THSD4: variants seen among roughly 807,000 people sequenced by gnomAD.
The protein encoded by THSD4 is thrombospondin type-1 domain-containing protein 4.
THSD4 carries 69 observed loss-of-function variants against 119.0 expected under a neutral mutation model. That is an observed-to-expected ratio of 0.58 (90% CI 0.48 to 0.71). The LOEUF (loss-of-function observed/expected upper bound fraction) is 0.71, where lower values mean the gene tolerates loss of function less well. Among genes scored for constraint, THSD4 ranks in the 30% least tolerant of loss-of-function variants. The pLI, the probability that THSD4 is intolerant of heterozygous loss-of-function variation, is 0.00. For missense variants in THSD4, 1,393 were observed against 1,391.1 expected, an observed-to-expected ratio of 1.00 and a Z score of -0.02; for synonymous variants, 524 against 540.4, an observed-to-expected ratio of 0.97 and a Z score of 0.42.
chr15:71,365,528 G>A (rs1204197636), intron 6 of THSD4, among the ~76,000 whole-genome samples: 2 of 152,096 alleles, frequency 1.3e-5, no homozygotes, highest in African/African-American at 4.8e-5. Flanking sequence ...CTGACGCTTT[G>A]TAAAAATACA....
At position 71,135,839 on chromosome 15, in the gene THSD4, C is replaced by T. The variant is rs536710008; in HGVS notation, c.-79-5610C>T. Among the ~76,000 whole-genome samples, 17 of 152,214 alleles carry T rather than the reference C, an allele frequency of 1.1e-4. No individual in the cohort carries two copies. The South Asian group carries it at 3.3e-3, about 30-fold the overall frequency. ...CAATAACTTCCTTGGCTTCCACCTC[C>T]ATGCTTGCCCCTTCTCCTCCTCCCC... On this transcript the variant is annotated intron_variant, in intron 1 of 17. Coordinates refer to ENST00000261862, the MANE Select transcript of THSD4 (RefSeq NM_024817.3).
chr15:71,235,456 G>C (rs796736083), intron 4 of THSD4, among the ~76,000 whole-genome samples: 1 of 152,102 alleles, frequency 6.6e-6, no homozygotes, highest in Non-Finnish European at 1.5e-5. Context: ...CCACTATTCA[G>C]CTTTCTCCAA....
At chr15:71,332,898 T>TTTTTTTTTTTTTTTTTTTTTTTG in intron 6 of THSD4, among the ~76,000 whole-genome samples, 1 of 129,810 alleles carries the variant, frequency 7.7e-6, no homozygotes, top group Non-Finnish European at 1.7e-5. Flanking sequence ...TTACATTTTT[T>TTTTTTTTTTTTTTTTTTTTTTTG]TTTTTTTTTT....
At chr15:71,514,055 C>T (rs146573381) in intron 7 of THSD4, among the ~76,000 whole-genome samples, 1 of 152,308 alleles carries the variant, frequency 6.6e-6, no homozygotes, top group East Asian at 1.9e-4. Flanking sequence ...GGGAAATTGA[C>T]TTACTTGCTT....
chr15:71,208,862 A>G (rs907974843), intron 3 of THSD4, among the ~76,000 whole-genome samples: 1 of 152,008 alleles, frequency 6.6e-6, no homozygotes, highest in Non-Finnish European at 1.5e-5. Context: ...CATCATGACT[A>G]TTTAGAGAGG....
intron 7 of THSD4, among the ~76,000 whole-genome samples, chr15:71,494,000 C>A (rs1473475437): frequency 1.3e-5 from 2 of 152,204 alleles, no homozygotes; most frequent in Non-Finnish European, 2.9e-5. Flanking sequence ...TTGGCTCTGA[C>A]CTTCCTAGTT....
chr15:71,518,295 T>C (rs992891796), intron 7 of THSD4, among the ~76,000 whole-genome samples: 4 of 152,080 alleles, frequency 2.6e-5, no homozygotes, highest in African/African-American at 9.7e-5. Flanking sequence ...TATGATACCT[T>C]GGAAATTTTT....
intron 3 of THSD4, among the ~76,000 whole-genome samples, chr15:71,209,618 T>A (rs1776781425): frequency 6.6e-6 from 1 of 152,198 alleles, no homozygotes; most frequent in Admixed American, 6.5e-5. Flanking sequence ...TCGTTTTCCA[T>A]AATGGAAGAT....
In THSD4 at chr15:71,748,416, T is replaced by C. The variant is rs1446362773; in HGVS notation, c.2242-5T>C. 2.2e-5 allele frequency: 36 copies of C among 1,614,110 alleles called. No homozygotes were observed. The highest frequency in any genetic ancestry group is 2.5e-5 in the Non-Finnish European group (30 of 1,179,978). ...TTCCCCTGACGTCAGTGTGCTGTGT[T>C]TCAGTGCTCGGTGCCCTGCGGCGTG... On this transcript the variant is annotated splice_polypyrimidine_tract_variant and splice_region_variant and intron_variant, in intron 13 of 17. Coordinates refer to ENST00000261862, the MANE Select transcript of THSD4 (RefSeq NM_024817.3).
chr15:71,779,802 AC>A lies in THSD4; in HGVS notation c.*2432del, dbSNP rs1453417696. The A allele has an allele frequency of 6.7e-6, 1 of 150,198 alleles. No individual in the cohort carries two copies. Among genetic ancestry groups the A allele is most frequent in the Non-Finnish European group, 1.5e-5 (1 of 67,822 alleles). 9.3% of individuals were successfully genotyped at this position (150,198 alleles called of 1,614,324 possible). On this transcript the variant is annotated 3_prime_UTR_variant, in exon 18 of 18. Coordinates refer to ENST00000261862, the MANE Select transcript of THSD4 (RefSeq NM_024817.3). ...CAATTGAAGAAGACCCGATGGATCA[AC>A]CCCATGTCTCCCTTGGGGAGAAAGT...
At chr15:71,124,680 A>AT (rs112015170) in intron 1 of THSD4, among the ~76,000 whole-genome samples, 32 of 152,270 alleles carry the variant, frequency 2.1e-4, no homozygotes, top group African/African-American at 7.2e-4. Flanking sequence ...TTTAAATCAT[A>AT]TTATTTCAAA....
At chr15:71,707,867 A>G (rs2052423703) in intron 8 of THSD4, among the ~76,000 whole-genome samples, 1 of 152,222 alleles carries the variant, frequency 6.6e-6, no homozygotes, top group African/African-American at 2.4e-5. Flanking sequence ...AATAAAAACA[A>G]TTTCATGCCC....
intron 7 of THSD4, among the ~76,000 whole-genome samples, chr15:71,622,631 T>C (rs2050437830): frequency 6.6e-6 from 1 of 152,222 alleles, no homozygotes; most frequent in South Asian, 2.1e-4. Flanking sequence ...TACTTTTTAT[T>C]ACCCTCTTTT....
intron 6 of THSD4, among the ~76,000 whole-genome samples, chr15:71,350,141 T>TAAAAAAAAA (rs3086680): frequency 9.0e-6 from 1 of 111,174 alleles, no homozygotes; most frequent in Non-Finnish European, 1.9e-5. Context: ...TGCAAATTAC[T>TAAAAAAAAA]AAAAAAAAAA....
intron 7 of THSD4, among the ~76,000 whole-genome samples, chr15:71,520,665 G>A (rs2048426931): frequency 6.6e-6 from 1 of 152,186 alleles, no homozygotes; most frequent in Non-Finnish European, 1.5e-5. Flanking sequence ...TCTATGCTGA[G>A]CACTTGACAT....
chr15:71,313,977 GATGAGGC>G (rs1442267753), intron 6 of THSD4, among the ~76,000 whole-genome samples: 4 of 152,166 alleles, frequency 2.6e-5, no homozygotes, highest in African/African-American at 9.7e-5. Flanking sequence ...TGATACGGAT[GATGAGGC>G]ATAGGAAGGC....
intron 7 of THSD4, among the ~76,000 whole-genome samples, chr15:71,629,973 G>A (rs893578406): frequency 6.6e-6 from 1 of 152,100 alleles, no homozygotes; most frequent in Non-Finnish European, 1.5e-5. Context: ...GCTCAGAGAG[G>A]GGCCTCTGTC....
intron 8 of THSD4, among the ~76,000 whole-genome samples, chr15:71,723,583 T>C (rs2052763537): frequency 6.6e-6 from 1 of 152,238 alleles, no homozygotes. Context: ...AGATGAAATC[T>C]TTTGGAGCTG....
intron 7 of THSD4, among the ~76,000 whole-genome samples, chr15:71,578,796 T>C (rs1377644875): frequency 6.6e-6 from 1 of 152,080 alleles, no homozygotes; most frequent in African/African-American, 2.4e-5. Flanking sequence ...TATTTGGTGT[T>C]ATCTTTGCAT....
Sources: allele counts gnomAD v4.1 joint callset (sites outside exome capture counted in the v4.1 genomes callset), GRCh38; gene constraint gnomAD v4.1.1; transcripts MANE v1.5; gene names NCBI Gene and HGNC (gene_info 2026-07-23, HGNC 2026-07-21).